The following KIRREL3 variants were observed in gnomAD, a reference collection of about 807,000 sequenced individuals.
The protein encoded by KIRREL3 is kirre like nephrin family adhesion molecule 3.
A neutral mutation model predicts 89.7 loss-of-function variants in KIRREL3; 36 were observed. The observed-to-expected ratio is 0.40, with a 90% CI of 0.31 to 0.53. KIRREL3 has a LOEUF of 0.53. KIRREL3 is among the 20% of genes least tolerant of loss of function. The probability of loss-of-function intolerance (pLI) is 0.49; values close to 1 mark genes in which losing one functional copy is unlikely to be tolerated. For synonymous variants in KIRREL3, 445 were observed against 441.4 expected (o/e 1.01, Z -0.10); for missense variants, 864 against 1,056.6 (o/e 0.82, Z 2.53).
rs1267137434 is a variant in KIRREL3 at position 126,610,400 on chromosome 11, G to A, written c.56-47488C>T. On this transcript the variant is annotated intron_variant, in intron 1 of 16. Coordinates refer to ENST00000525144, the MANE Select transcript of KIRREL3 (RefSeq NM_032531.4). This position sits in a 1 kb window ranked among gnomAD's most constrained non-coding sequence, Gnocchi z 4.6. ...AGCCTGCTTGTCTGAACTGTAAGAG[G>A]ATTTTAACAGTTTCCCAAGCAATGC... is the stretch of plus-strand genomic sequence containing the variant. Among the ~76,000 whole-genome samples, 1 of 152,156 alleles carries A rather than the reference G, an allele frequency of 6.6e-6. No homozygotes were observed. The highest frequency in any genetic ancestry group is 2.4e-5 in the African/African-American group (1 of 41,444).
intron 11 of KIRREL3, among the ~76,000 whole-genome samples, chr11:126,439,984 C>T (rs968605969): frequency 2.6e-5 from 4 of 151,934 alleles, no homozygotes; most frequent in African/African-American, 4.8e-5. Flanking sequence ...TTAGAGGGGA[C>T]GATTGATAGG....
intron 1 of KIRREL3, among the ~76,000 whole-genome samples, chr11:126,834,287 C>A (rs1230483129): frequency 6.6e-6 from 1 of 152,188 alleles, no homozygotes; most frequent in Admixed American, 6.5e-5. Flanking sequence ...CCTTTGATTT[C>A]TTTCCAGGGC....
At chr11:126,849,373 G>T (rs11220636) in intron 1 of KIRREL3, among the ~76,000 whole-genome samples, 129,100 of 152,126 alleles carry the variant, frequency 0.85, 54,985 homozygotes, top group East Asian at 1. Context: ...AGCCCTTGGG[G>T]CTGCTCTACC....
intron 1 of KIRREL3, among the ~76,000 whole-genome samples, chr11:126,821,233 C>A (rs939521): frequency 0.24 from 35,964 of 150,910 alleles, 4,807 homozygotes; most frequent in Non-Finnish European, 0.31. Context: ...TTTGTTAGGG[C>A]TGAAGAAGCT....
In KIRREL3 at chr11:126,723,428, G is replaced by A. The variant is rs1025782277; in HGVS notation, c.56-160516C>T. On this transcript the variant is annotated intron_variant, in intron 1 of 16. Transcript: ENST00000525144. The surrounding 1 kb of genome is among the most constrained non-coding windows in gnomAD (Gnocchi z 4.0). ...TTTCATTTCACTCTACCATAAAGAGGTAACAATTTAAAAAAATCAACTCTC... is the reference window on the plus strand; with the variant it reads ...TTTCATTTCACTCTACCATAAAGAGATAACAATTTAAAAAAATCAACTCTC... 2.0e-5 allele frequency among the ~76,000 whole-genome samples: 3 copies of A among 152,090 alleles called. No homozygotes were observed. The highest frequency in any genetic ancestry group is 2.9e-5 in the Non-Finnish European group (2 of 68,030).
chr11:126,975,973 T>C (rs10466543), intron 1 of KIRREL3, among the ~76,000 whole-genome samples: 141,715 of 141,866 alleles, frequency 1, 70,782 homozygotes, highest in Middle Eastern at 1. Flanking sequence ...ATATCCAAGC[T>C]TTCAGTATAT....
At chr11:126,448,456 TGAG>T (rs1171638162) in intron 8 of KIRREL3, among the ~76,000 whole-genome samples, 2 of 152,110 alleles carry the variant, frequency 1.3e-5, no homozygotes, top group Non-Finnish European at 2.9e-5. Flanking sequence ...ATTCAGATGA[TGAG>T]AATAAATATC....
In KIRREL3 at chr11:126,752,420, G is replaced by A. The variant is rs1386543158; in HGVS notation, c.56-189508C>T. 6.6e-6 allele frequency among the ~76,000 whole-genome samples: 1 copy of A among 152,102 alleles called. No homozygotes were observed. The highest frequency in any genetic ancestry group is 2.4e-5 in the African/African-American group (1 of 41,426). On this transcript the variant is annotated intron_variant, in intron 1 of 16. Coordinates refer to ENST00000525144, the MANE Select transcript of KIRREL3 (RefSeq NM_032531.4). This position sits in a 1 kb window ranked among gnomAD's most constrained non-coding sequence, Gnocchi z 4.8. The stretch of plus-strand genomic sequence containing the variant: ...ATCCTAGATGCTAACTGGATGATGA[G>A]TTAATTATGTAGCTATGGAATTAAC...
At chr11:126,775,928 C>T (rs1031051811) in intron 1 of KIRREL3, among the ~76,000 whole-genome samples, 13 of 152,150 alleles carry the variant, frequency 8.5e-5, no homozygotes, top group Admixed American at 7.2e-4. Flanking sequence ...GCCTTGAGAC[C>T]TCTGACCCCT....
At chr11:126,792,674 T>A (rs1296357140) in intron 1 of KIRREL3, among the ~76,000 whole-genome samples, 1 of 152,224 alleles carries the variant, frequency 6.6e-6, no homozygotes, top group African/African-American at 2.4e-5. Context: ...ATATAAATTA[T>A]GTTATATGCA....
chr11:126,809,420 C>T (rs1239904370), intron 1 of KIRREL3, among the ~76,000 whole-genome samples: 1 of 152,054 alleles, frequency 6.6e-6, no homozygotes. Flanking sequence ...CTGACCGTGC[C>T]CCCCAAGGAT....
intron 1 of KIRREL3, among the ~76,000 whole-genome samples, chr11:126,599,810 T>G (rs985663828): frequency 2.0e-5 from 3 of 152,226 alleles, no homozygotes; most frequent in Non-Finnish European, 2.9e-5. Flanking sequence ...CAGGGCTCTG[T>G]TCCTGACTTG....
intron 11 of KIRREL3, 115 bp downstream of exon 11, chr11:126,440,334 A>T (rs1955511652): frequency 2.2e-6 from 2 of 893,532 alleles, no homozygotes; most frequent in Admixed American, 2.0e-5. Flanking sequence ...AATTTTCCTC[A>T]GCAAGAAAGA....
rs539236878 is a variant in KIRREL3 at position 126,525,251 on chromosome 11, C to T, written c.283+1287G>A. 9.8e-5 allele frequency among the ~76,000 whole-genome samples: 15 copies of T among 152,302 alleles called. No individual in the cohort carries two copies. Among genetic ancestry groups the T allele is most frequent in the South Asian group, 2.1e-4 (1 of 4,828 alleles). On this transcript the variant is annotated intron_variant, in intron 3 of 16. Coordinates refer to ENST00000525144, the MANE Select transcript of KIRREL3 (RefSeq NM_032531.4). The surrounding 1 kb of genome is among the most constrained non-coding windows in gnomAD (Gnocchi z 5.4). ...GACCCCAGACAGCCTCCTTAACTAG[C>T]GGCAGCGCTCATCCCAGCTCGGAGC...
intron 1 of KIRREL3, among the ~76,000 whole-genome samples, chr11:126,631,563 C>T (rs1944026300): frequency 6.6e-6 from 1 of 152,192 alleles, no homozygotes; most frequent in African/African-American, 2.4e-5. Flanking sequence ...GAGGAGAGAA[C>T]ACCCTGAGGG....
At chr11:126,753,075 A>G (rs775486658) in intron 1 of KIRREL3, among the ~76,000 whole-genome samples, 1 of 152,222 alleles carries the variant, frequency 6.6e-6, no homozygotes, top group South Asian at 2.1e-4. Context: ...TCAAGTCACC[A>G]TTTAGGGATA....
rs1957751547 is a variant in KIRREL3 at position 126,498,639 on chromosome 11, G to C, written c.433+22676C>G. On this transcript the variant is annotated intron_variant, in intron 4 of 16. Transcript: ENST00000525144. The surrounding 1 kb of genome is among the most constrained non-coding windows in gnomAD (Gnocchi z 4.3). ...ACAGCCAGGAGGGGAAGGGGCCCGT[G>C]ACCTGGCACCCTGTGACGACAAGCA... 6.6e-6 allele frequency among the ~76,000 whole-genome samples: 1 copy of C among 152,196 alleles called. No homozygotes were observed. Among genetic ancestry groups the C allele is most frequent in the Admixed American group, 6.5e-5 (1 of 15,284 alleles).
Position 126,729,870 on chromosome 11 carries a change from C to T in KIRREL3, c.56-166958G>A, listed in dbSNP as rs1211380309. Among the ~76,000 whole-genome samples the T allele has an allele frequency of 6.6e-6, 1 of 152,174 alleles. No individual in the cohort carries two copies. Among genetic ancestry groups the T allele is most frequent in the Non-Finnish European group, 1.5e-5 (1 of 68,018 alleles). ...TCCAAATCCTTCTAGTTCATAGGCT[C>T]CTCTGCTCCTAAACCAGTCCTTTGA... On this transcript the variant is annotated intron_variant, in intron 1 of 16. Transcript: ENST00000525144. This position sits in a 1 kb window ranked among gnomAD's most constrained non-coding sequence, Gnocchi z 4.5.
intron 2 of KIRREL3, among the ~76,000 whole-genome samples, chr11:126,556,459 A>G (rs2134558685): frequency 6.6e-6 from 1 of 152,138 alleles, no homozygotes; most frequent in South Asian, 2.1e-4. Context: ...TGGGCAACAT[A>G]GTGAGGCACT....
Sources: allele counts gnomAD v4.1 joint callset (sites outside exome capture counted in the v4.1 genomes callset), GRCh38; gene constraint gnomAD v4.1.1; non-coding constraint Gnocchi (gnomAD v3.1); transcripts MANE v1.5; gene names NCBI Gene and HGNC (gene_info 2026-07-23, HGNC 2026-07-21).